Variants in FGF13 observed in about 807,000 individuals in gnomAD.
FGF13 encodes the protein fibroblast growth factor homologous factor 2.
Under a neutral mutation model 19.5 loss-of-function variants are expected in FGF13, and 2 were observed. That is an observed-to-expected ratio of 0.10 (90% CI 0.04 to 0.32). The LOEUF is 0.32. FGF13 is among the 10% of genes least tolerant of loss of function. The pLI is 1.00. For missense variants in FGF13, 113 were observed against 192.7 expected (o/e 0.59, Z 2.45); for synonymous variants, 72 against 76.9 (o/e 0.94, Z 0.33).
intron 1 of FGF13, among the ~76,000 whole-genome samples, chrX:138,987,680 T>A (rs765429981): frequency 8.9e-6 from 1 of 112,108 alleles, no homozygotes; most frequent in Middle Eastern, 4.6e-3. Context: ...TAGTCAGATA[T>A]ATCAGGGAAA....
intron 3 of FGF13, among the ~76,000 whole-genome samples, chrX:138,830,730 T>TGTGTGTGTGTGTGTGTG (rs1569406299): frequency 3.2e-4 from 32 of 99,044 alleles, no homozygotes; most frequent in Middle Eastern, 5.3e-3. Flanking sequence ...TGTGTGTGTG[T>TGTGTGTGTGTGTGTGTG]TTTAAGCTAT....
chrX:138,718,173 C>A, intron 1 of FGF13, among the ~76,000 whole-genome samples: 1 of 112,330 alleles, frequency 8.9e-6, no homozygotes, highest in Non-Finnish European at 1.9e-5. Context: ...GGAACAATTT[C>A]TATTTTATGA....
At chrX:138,680,422 A>C (rs949322338) in intron 3 of FGF13, among the ~76,000 whole-genome samples, 2 of 111,970 alleles carry the variant, frequency 1.8e-5, no homozygotes, top group Admixed American at 9.5e-5. Context: ...AAATAGGAAG[A>C]CTTGAAAATC....
intron 1 of FGF13, among the ~76,000 whole-genome samples, chrX:139,008,285 C>G (rs756396086): frequency 4.5e-5 from 5 of 111,951 alleles, no homozygotes; most frequent in Non-Finnish European, 7.5e-5. Context: ...CCTGAGAAAC[C>G]TGAATATTTA....
At chrX:139,077,874 G>GA (rs1236300662) in intron 1 of FGF13, among the ~76,000 whole-genome samples, 5 of 110,733 alleles carry the variant, frequency 4.5e-5, no homozygotes, top group African/African-American at 9.8e-5. Context: ...TTTGAAAAAT[G>GA]AAAAAAAAGT....
Position 138,863,981 on chromosome X carries a change from T to C in FGF13, c.-39+596A>G, listed in dbSNP as rs142603391. ...ATAATTCTTTGTTGTGAAGGGCTGTTTTGTCCATTGTAGGATGTTGAGCTG... is the reference window on the plus strand; with the variant it reads ...ATAATTCTTTGTTGTGAAGGGCTGTCTTGTCCATTGTAGGATGTTGAGCTG... On this transcript the variant is annotated intron_variant, in intron 2 of 2. Coordinates refer to the FGF13 transcript ENST00000421460. 9.4e-3 allele frequency among the ~76,000 whole-genome samples: 1,055 copies of C among 112,078 alleles called. 20 individuals are homozygous for C. The highest frequency in any genetic ancestry group is 0.032 in the African/African-American group (993 of 30,850).
chrX:138,726,017 C>T (rs979371532), intron 1 of FGF13, among the ~76,000 whole-genome samples: 2 of 110,973 alleles, frequency 1.8e-5, no homozygotes. Flanking sequence ...ATCAGTTTTC[C>T]TGCCAACTCG....
intron 3 of FGF13, among the ~76,000 whole-genome samples, chrX:138,692,802 T>A (rs1400962642): frequency 1.8e-5 from 2 of 111,461 alleles, no homozygotes; most frequent in African/African-American, 3.3e-5. Context: ...AATTATTTTA[T>A]TGTTTAGCTT....
intron 1 of FGF13, among the ~76,000 whole-genome samples, chrX:138,983,086 C>A (rs1288216414): frequency 9.0e-6 from 1 of 110,806 alleles, no homozygotes; most frequent in Non-Finnish European, 1.9e-5. Flanking sequence ...TCTATTATTT[C>A]CTTTGCTGTA....
intron 3 of FGF13, among the ~76,000 whole-genome samples, chrX:138,694,422 T>C (rs1242216212): frequency 5.5e-5 from 6 of 109,101 alleles, no homozygotes; most frequent in Non-Finnish European, 7.6e-5. Flanking sequence ...TGGAAATACA[T>C]GTTAATTTTT....
At chrX:139,116,952 A>C (rs959862462) in intron 1 of FGF13, among the ~76,000 whole-genome samples, 5 of 111,612 alleles carry the variant, frequency 4.5e-5, no homozygotes, top group African/African-American at 1.6e-4. Context: ...TGAACATTAA[A>C]AATATCAGTC....
intron 1 of FGF13, among the ~76,000 whole-genome samples, chrX:138,956,092 T>C (rs2091839912): frequency 8.9e-6 from 1 of 111,837 alleles, no homozygotes; most frequent in East Asian, 2.8e-4. Context: ...TAGGTCGTTT[T>C]GCCAGTGGCC....
At chrX:139,114,465 G>A (rs1440099297) in intron 1 of FGF13, among the ~76,000 whole-genome samples, 1 of 111,830 alleles carries the variant, frequency 8.9e-6, no homozygotes, top group Non-Finnish European at 1.9e-5. Flanking sequence ...AGTACAATCA[G>A]TAGCTGCCCA....
chrX:138,870,136 G>A (rs1185545430), intron 1 of FGF13, among the ~76,000 whole-genome samples: 1 of 111,591 alleles, frequency 9.0e-6, no homozygotes, highest in Non-Finnish European at 1.9e-5. Flanking sequence ...AACCTAGCTG[G>A]TTAATTGAGG....
chrX:138,687,657 C>T (rs2089796600), intron 3 of FGF13, among the ~76,000 whole-genome samples: 2 of 111,512 alleles, frequency 1.8e-5, no homozygotes, highest in South Asian at 7.6e-4. Flanking sequence ...GGGTATATAT[C>T]CAAAAGAAAG....
At chrX:138,869,689 C>A (rs2091347848) in intron 1 of FGF13, among the ~76,000 whole-genome samples, 1 of 112,469 alleles carries the variant, frequency 8.9e-6, no homozygotes, top group Non-Finnish European at 1.9e-5. Flanking sequence ...TTAAAAGAAG[C>A]ACATTTTTAG....
intron 1 of FGF13, among the ~76,000 whole-genome samples, chrX:139,101,257 T>A (rs1280178500): frequency 8.9e-6 from 1 of 112,352 alleles, no homozygotes; most frequent in East Asian, 2.8e-4. Flanking sequence ...AAGCCAATAG[T>A]CTACTATCCC....
At chrX:139,117,101 T>TA (rs200439335) in intron 1 of FGF13, among the ~76,000 whole-genome samples, 1,732 of 110,475 alleles carry the variant, frequency 0.016, 30 homozygotes, top group African/African-American at 0.054. Context: ...ATCACTCAAG[T>TA]AAAAAAAAGG....
chrX:139,019,715 A>C (rs185268392), intron 1 of FGF13, among the ~76,000 whole-genome samples: 167 of 110,794 alleles, frequency 1.5e-3, no homozygotes, highest in Non-Finnish European at 2.3e-3. Context: ...GAAGAGATCC[A>C]CACCTAGATA....
Sources: allele counts gnomAD v4.1 joint callset (sites outside exome capture counted in the v4.1 genomes callset), GRCh38; gene constraint gnomAD v4.1.1; transcripts MANE v1.5; gene names NCBI Gene and HGNC (gene_info 2026-07-23, HGNC 2026-07-21).